The following SEMA4D variants were observed in gnomAD, a reference collection of about 807,000 sequenced individuals.
SEMA4D encodes the protein semaphorin 4D.
SEMA4D carries 22 observed loss-of-function variants against 74.8 expected under a neutral mutation model. That is an observed-to-expected ratio of 0.29 (90% CI 0.21 to 0.42). SEMA4D has a LOEUF of 0.42. Among genes scored for constraint, SEMA4D ranks in the 10% least tolerant of loss-of-function variants. SEMA4D has a pLI of 1.00. For synonymous variants in SEMA4D, 445 were observed against 463.7 expected (o/e 0.96, Z 0.52); for missense variants, 937 against 1,118.4 (o/e 0.84, Z 2.31).
chr9:89,387,456 G>A lies in SEMA4D; in HGVS notation c.1260C>T (p.Tyr420=). Reference sequence around the variant, plus strand: ...GGGTCCGGTCCACCACGATCTGGGTGTAGTTCACATCTTTCTTGATTAACC... The same window carrying A: ...GGGTCCGGTCCACCACGATCTGGGTATAGTTCACATCTTTCTTGATTAACC... The part of the protein sequence containing the change: ...RPRLIKKDVN[Y]TQIVVDRTQA... Residue 420 remains tyrosine, a synonymous_variant, in exon 12 of 16, where the codon TAC becomes TAT. Transcript: ENST00000422704. The A allele has an allele frequency of 6.2e-7, 1 of 1,614,248 alleles. No homozygotes were observed. Among genetic ancestry groups the A allele is most frequent in the Non-Finnish European group, 8.5e-7 (1 of 1,180,046 alleles).
exon 17 of SEMA4D, chr9:89,363,879 G>A (rs927853601): frequency 6.2e-7 from 1 of 1,614,130 alleles, no homozygotes; most frequent in African/African-American, 1.3e-5. Context: ...GGCAGTGCAT[G>A]GGTCTGCACA....
At chr9:89,450,686 A>AAAAAAAAAAAAAAAAC in intron 2 of SEMA4D, 11 of 945,086 alleles carry the variant, frequency 1.2e-5, no homozygotes, top group East Asian at 2.6e-5. Flanking sequence ...AAAAAAAAAA[A>AAAAAAAAAAAAAAAAC]AGGCCTCCAA....
At position 89,387,473 on chromosome 9, in the gene SEMA4D, T is replaced by C; in HGVS notation, c.1243A>G (p.Lys415Glu). 6.2e-7 allele frequency: 1 copy of C among 1,614,210 alleles called. No homozygotes were observed. The highest frequency in any genetic ancestry group is 8.5e-7 in the Non-Finnish European group (1 of 1,180,034). ...ATCTGGGTGTAGTTCACATCTTTCT[T>C]GATTAACCTGGGCCTGTTGTCTATT... is the stretch of plus-strand genomic sequence containing the variant. Reference protein sequence around the residue: ...TPIDNRPRLIKKDVNYTQIVV... With the variant: ...TPIDNRPRLIEKDVNYTQIVV... Residue 415 changes from lysine (K) to glutamate (E), a missense_variant, in exon 12 of 16, where the codon AAG (lysine) becomes GAG (glutamate). Transcript: ENST00000422704.
chr9:89,462,664 GC>G (rs1857526304), intron 1 of SEMA4D, among the ~76,000 whole-genome samples: 1 of 152,032 alleles, frequency 6.6e-6, no homozygotes, highest in Non-Finnish European at 1.5e-5. Context: ...AGCTGTCCCA[GC>G]CAGATGCAGG....
chr9:89,376,866 G>C, downstream of SEMA4D: 1 of 1,550,514 alleles, frequency 6.4e-7, no homozygotes, highest in East Asian at 2.4e-5. Flanking sequence ...AAGTTCCCCA[G>C]GGCGTGCACG....
In SEMA4D at chr9:89,493,353, G is replaced by A. The variant is rs576349542; in HGVS notation, c.-310+4566C>T. Among the ~76,000 whole-genome samples, 150 of 152,298 alleles carry A rather than the reference G, an allele frequency of 9.8e-4. 1 individual carries two copies. Among genetic ancestry groups the A allele is most frequent in the African/African-American group, 3.5e-3 (146 of 41,560 alleles). ...AGGCGGCTCCTGGCAGCACAACAAT[G>A]AACATGTGCCAAGACCCTCAGCCCT... On this transcript the variant is annotated intron_variant, in intron 1 of 15. Transcript: ENST00000422704.
intron 3 of SEMA4D, 137 bp downstream of exon 3, chr9:89,405,214 T>TG: frequency 1.7e-6 from 1 of 603,706 alleles, no homozygotes; most frequent in South Asian, 1.9e-5. Flanking sequence ...GTGGAGTCCC[T>TG]GTCCCGTTCC....
intron 1 of SEMA4D, among the ~76,000 whole-genome samples, chr9:89,477,022 T>C (rs1002879092): frequency 1.3e-5 from 2 of 152,176 alleles, no homozygotes; most frequent in Non-Finnish European, 2.9e-5. Flanking sequence ...TTAGACAAGC[T>C]GGAGGCATGG....
chr9:89,383,956 T>G (rs914305329), intron 13 of SEMA4D, among the ~76,000 whole-genome samples: 2 of 152,036 alleles, frequency 1.3e-5, no homozygotes, highest in African/African-American at 4.8e-5. Context: ...CTGCTGTGTG[T>G]GCGCGTCAGA....
intron 2 of SEMA4D, among the ~76,000 whole-genome samples, chr9:89,407,295 C>CT (rs1477122507): frequency 7.0e-6 from 1 of 143,842 alleles, no homozygotes; most frequent in Non-Finnish European, 1.5e-5. Context: ...GCTGATTCAG[C>CT]TAGCAATTCC....
chr9:89,407,446 C>CT (rs550423946), intron 2 of SEMA4D, among the ~76,000 whole-genome samples: 224 of 152,280 alleles, frequency 1.5e-3, no homozygotes, highest in African/African-American at 5.1e-3. Flanking sequence ...AGACCCTAGG[C>CT]TATGAGTCTA....
intron 2 of SEMA4D, among the ~76,000 whole-genome samples, chr9:89,420,505 C>CCT (rs1284033894): frequency 2.0e-5 from 3 of 152,224 alleles, no homozygotes; most frequent in African/African-American, 4.8e-5. Flanking sequence ...TGGTGCACCC[C>CCT]CTCTAGTGCA....
intron 5 of SEMA4D, 86 bp from the exon 6 acceptor site, chr9:89,396,921 G>T: frequency 8.2e-7 from 1 of 1,223,278 alleles, no homozygotes; most frequent in Non-Finnish European, 1.2e-6. Context: ...TCATCTCAGG[G>T]GCACAGACCC....
At chr9:89,391,436 T>G in intron 8 of SEMA4D, 21 bp from the exon 9 acceptor site, 1 of 1,613,890 alleles carries the variant, frequency 6.2e-7, no homozygotes, top group South Asian at 1.1e-5. Context: ...AGGACAGTGA[T>G]TATCCCAGAA....
chr9:89,385,771 G>T, intron 13 of SEMA4D: 1 of 480,276 alleles, frequency 2.1e-6, no homozygotes, highest in Non-Finnish European at 2.7e-6. Context: ...AGCTGAGGGA[G>T]GAGAGGACTG....
chr9:89,363,970 C>G (rs1833167201), intron 16 of SEMA4D: 1 of 1,613,888 alleles, frequency 6.2e-7, no homozygotes, highest in South Asian at 1.1e-5. Flanking sequence ...CAGACCGTTT[C>G]CACCTCTGAG....
rs1453086990 is a variant in SEMA4D at position 89,405,356 on chromosome 9, T to C, written c.101A>G (p.His34Arg). ...CTGCAGGTTTCGTCACTCACCTCTG[T>C]GCTCCCAGGTGATCCGGGGTATGGG... ...FAPIPRITWE[H>R]REVHLVQFHE... Residue 34 changes from histidine to arginine, a missense_variant, in exon 3 of 16, where the codon CAC becomes CGC. Transcript: ENST00000422704. 2 of 1,613,356 alleles carry C rather than the reference T, an allele frequency of 1.2e-6. No homozygotes were observed. The highest frequency in any genetic ancestry group is 2.2e-5 in the East Asian group (1 of 44,886).
intron 5 of SEMA4D, among the ~76,000 whole-genome samples, 165 bp downstream of exon 5, chr9:89,399,111 A>C (rs1251762710): frequency 1.3e-5 from 2 of 152,244 alleles, no homozygotes; most frequent in Non-Finnish European, 2.9e-5. Flanking sequence ...ACTCAGGAAT[A>C]GAGGGATGAG....
At chr9:89,403,900 G>C (rs1477021900) in intron 3 of SEMA4D, among the ~76,000 whole-genome samples, 1 of 152,200 alleles carries the variant, frequency 6.6e-6, no homozygotes, top group East Asian at 1.9e-4. Context: ...CTGCACTCTA[G>C]CCTGGGCAAC....
Sources: allele counts gnomAD v4.1 joint callset (sites outside exome capture counted in the v4.1 genomes callset), GRCh38; gene constraint gnomAD v4.1.1; transcripts MANE v1.5; gene names NCBI Gene and HGNC (gene_info 2026-07-23, HGNC 2026-07-21).